PSMB2: variants seen among roughly 807,000 people sequenced by gnomAD.
The protein encoded by PSMB2 is proteasome 20S subunit beta 2.
Under a neutral mutation model 25.7 loss-of-function variants are expected in PSMB2, and 13 were observed. The ratio of observed to expected loss-of-function variants is 0.51; its 90% CI spans 0.33 to 0.80. The LOEUF (loss-of-function observed/expected upper bound fraction) is 0.80, where lower values mean the gene tolerates loss of function less well. PSMB2 is among the 30% of genes least tolerant of loss of function. PSMB2 has a pLI of 0.02. For missense variants in PSMB2, 202 were observed against 259.0 expected (o/e 0.78, Z 1.51); for synonymous variants, 87 against 96.2 (o/e 0.90, Z 0.56).
Position 35,624,500 on chromosome 1 carries a change from C to A in PSMB2, c.285+6774G>T, listed in dbSNP as rs574741327. On this transcript the variant is annotated intron_variant, in intron 3 of 5. Coordinates refer to ENST00000373237, the MANE Select transcript of PSMB2 (RefSeq NM_002794.5). ...GGGTGCAGTGGCTCATGCCTGTAAT[C>A]CCAGTACTTTGGGAGGCTGAGGTGG... is the stretch of plus-strand genomic sequence containing the variant. 3.4e-3 allele frequency among the ~76,000 whole-genome samples: 515 copies of A among 152,250 alleles called. 3 individuals are homozygous for A. Among genetic ancestry groups the A allele is most frequent in the African/African-American group, 0.012 (497 of 41,536 alleles).
At chr1:35,614,513 G>A (rs1650438771) in intron 3 of PSMB2, among the ~76,000 whole-genome samples, 1 of 152,204 alleles carries the variant, frequency 6.6e-6, no homozygotes, top group African/African-American at 2.4e-5. Context: ...GTAAGTCTAA[G>A]TAGTAAGACA....
rs141005236 is a variant in PSMB2 at position 35,602,645 on chromosome 1, G to A, written c.*622C>T. On this transcript the variant is annotated 3_prime_UTR_variant, in exon 6 of 6. Coordinates refer to ENST00000373237, the MANE Select transcript of PSMB2 (RefSeq NM_002794.5). ...CCCCAGTAGCTGGGACTAGGGGTGCGTGCCACCACGCCCAGCTAATTTTTG... is the reference window on the plus strand; with the variant it reads ...CCCCAGTAGCTGGGACTAGGGGTGCATGCCACCACGCCCAGCTAATTTTTG... 0.018 allele frequency: 2,788 copies of A among 153,450 alleles called. 99 individuals are homozygous for A. The highest frequency in any genetic ancestry group is 0.063 in the African/African-American group (2,610 of 41,524). The allele number at this position is 153,450 out of a possible 1,614,324, so 9.5% of individuals were successfully genotyped here.
chr1:35,621,859 G>A lies in PSMB2; in HGVS notation c.285+9415C>T, dbSNP rs146268038. ...AAAAATACAAAAATTAGCTAGGTAT[G>A]GTGGCATGTGCCTGTAGGCCCAGCT... On this transcript the variant is annotated intron_variant, in intron 3 of 5. Transcript: ENST00000373237. 3.7e-4 allele frequency among the ~76,000 whole-genome samples: 56 copies of A among 152,276 alleles called. No homozygotes were observed. In the East Asian group the frequency reaches 0.01, roughly 27 times the overall value.
intron 3 of PSMB2, among the ~76,000 whole-genome samples, chr1:35,628,631 A>ATTTTTTTTTTTTTTTTTT (rs138110586): frequency 2.6e-5 from 1 of 38,086 alleles, no homozygotes; most frequent in African/African-American, 1.3e-4. Context: ...ATATATATAT[A>ATTTTTTTTTTTTTTTTTT]TTTTTTTTTT....
At chr1:35,636,495 G>T in intron 1 of PSMB2, 63 bp from the exon 2 acceptor site, 1 of 1,573,900 alleles carries the variant, frequency 6.4e-7, no homozygotes, top group Admixed American at 1.8e-5. Flanking sequence ...CATTATTTAT[G>T]TAACCATAAA....
chr1:35,641,498 C>T lies in PSMB2; in HGVS notation c.-66G>A, dbSNP rs1467877117. ...AGACTCGCCCGCTTCCAGGTCTCACCGGTGAGACAGCACCTCAGAGCGAAG... is the reference window on the plus strand; with the variant it reads ...AGACTCGCCCGCTTCCAGGTCTCACTGGTGAGACAGCACCTCAGAGCGAAG... On this transcript the variant is annotated 5_prime_UTR_variant, in exon 1 of 6. Coordinates refer to ENST00000373237, the MANE Select transcript of PSMB2 (RefSeq NM_002794.5). 4 of 1,606,768 alleles carry T rather than the reference C, an allele frequency of 2.5e-6. No individual in the cohort carries two copies. Among genetic ancestry groups the T allele is most frequent in the Non-Finnish European group, 2.6e-6 (3 of 1,176,104 alleles).
At chr1:35,617,846 T>C (rs1650551102) in intron 3 of PSMB2, among the ~76,000 whole-genome samples, 1 of 152,196 alleles carries the variant, frequency 6.6e-6, no homozygotes, top group Non-Finnish European at 1.5e-5. Flanking sequence ...CATTAGTATG[T>C]AAACCATACA....
chr1:35,601,868 T>C lies in PSMB2; in HGVS notation c.*1399A>G, dbSNP rs904400701. 3 of 985,340 alleles carry C rather than the reference T, an allele frequency of 3.0e-6. No individual in the cohort carries two copies. In the African/African-American group the frequency reaches 5.2e-5, roughly 17 times the overall value. The allele number at this position is 985,340 out of a possible 1,614,324, so 61.0% of individuals were successfully genotyped here. A position where few individuals can be genotyped will look rare whatever the true frequency, so the allele number is the denominator to read the frequency against. Reference sequence around the variant, plus strand: ...AGCTTTAACCACAAAACATCCACATTGTTCCCTAAAGTTATGCTAAGAGTA... The same window carrying C: ...AGCTTTAACCACAAAACATCCACATCGTTCCCTAAAGTTATGCTAAGAGTA... On this transcript the variant is annotated 3_prime_UTR_variant, in exon 6 of 6. Coordinates refer to ENST00000373237, the MANE Select transcript of PSMB2 (RefSeq NM_002794.5).
intron 3 of PSMB2, among the ~76,000 whole-genome samples, chr1:35,614,516 G>A (rs1048355848): frequency 1.3e-5 from 2 of 152,178 alleles, no homozygotes; most frequent in Non-Finnish European, 2.9e-5. Flanking sequence ...AGTCTAAGTA[G>A]TAAGACAAAG....
chr1:35,600,359 T>C lies in PSMB2; in HGVS notation c.*2908A>G, dbSNP rs1312043900. On this transcript the variant is annotated 3_prime_UTR_variant, in exon 6 of 6. Transcript: ENST00000373237. ...AAAGCCTGGAGCTTAGTAATACTAA[T>C]ACACCAACCAATGTTGGTTTCTCAG... is the stretch of plus-strand genomic sequence containing the variant. The C allele has an allele frequency of 4.8e-6, 4 of 832,810 alleles. No individual in the cohort carries two copies. The highest frequency in any genetic ancestry group is 1.9e-5 in the African/African-American group (1 of 53,984). 51.6% of individuals were successfully genotyped at this position (832,810 alleles called of 1,614,324 possible). A position where few individuals can be genotyped will look rare whatever the true frequency, so the allele number is the denominator to read the frequency against.
In PSMB2 at chr1:35,601,719, T is replaced by A; in HGVS notation, c.*1548A>T. On this transcript the variant is annotated 3_prime_UTR_variant, in exon 6 of 6. Transcript: ENST00000373237. The stretch of plus-strand genomic sequence containing the variant: ...GAGCACAGAATTGGATAAAGTAGGG[T>A]TTATCTTAGTCGGAGACCAAATGGT... 1.0e-6 allele frequency: 1 copy of A among 985,270 alleles called. No homozygotes were observed. Among genetic ancestry groups the A allele is most frequent in the Non-Finnish European group, 1.2e-6 (1 of 829,902 alleles). 61.0% of individuals were successfully genotyped at this position (985,270 alleles called of 1,614,324 possible).
intron 3 of PSMB2, among the ~76,000 whole-genome samples, chr1:35,624,837 T>G (rs1571134774): frequency 6.7e-6 from 1 of 149,668 alleles, no homozygotes; most frequent in Admixed American, 6.6e-5. Flanking sequence ...CCGAGGCGGG[T>G]GGATCACGAG....
At chr1:35,635,828 C>CAAAAAA (rs1163061850) in intron 2 of PSMB2, among the ~76,000 whole-genome samples, 19 of 34,222 alleles carry the variant, frequency 5.6e-4, no homozygotes, top group African/African-American at 7.5e-4. Context: ...GACTCCGTCT[C>CAAAAAA]AAAAAAAAAA....
At chr1:35,618,638 A>C (rs1650576231) in intron 3 of PSMB2, among the ~76,000 whole-genome samples, 1 of 152,204 alleles carries the variant, frequency 6.6e-6, no homozygotes, top group Admixed American at 6.5e-5. Context: ...TCAAGGGGGA[A>C]GACTAGCAAA....
chr1:35,609,461 C>A, intron 3 of PSMB2, 53 bp from the exon 4 acceptor site: 1 of 1,344,622 alleles, frequency 7.4e-7, no homozygotes, highest in South Asian at 1.8e-5. Context: ...ACCAACATCT[C>A]TTCCCATGGC....
chr1:35,610,259 T>C (rs1290138319), intron 3 of PSMB2, among the ~76,000 whole-genome samples: 3 of 151,944 alleles, frequency 2.0e-5, no homozygotes, highest in Non-Finnish European at 2.9e-5. Context: ...GGTAACACAG[T>C]GGGACTTGGT....
rs760578961 is a variant in PSMB2 at position 35,603,218 on chromosome 1, G to C, written c.*49C>G. The stretch of plus-strand genomic sequence containing the variant: ...CTGAAAAGAGTAGAAAAAAATAAAG[G>C]AGCCCATCAAAAAAAAGTTCCCTGG... On this transcript the variant is annotated 3_prime_UTR_variant, in exon 6 of 6. Transcript: ENST00000373237. The C allele has an allele frequency of 6.3e-7, 1 of 1,592,314 alleles. No individual in the cohort carries two copies. The highest frequency in any genetic ancestry group is 8.5e-7 in the Non-Finnish European group (1 of 1,173,576).
chr1:35,607,498 T>C (rs573848782), intron 4 of PSMB2, among the ~76,000 whole-genome samples: 25 of 152,136 alleles, frequency 1.6e-4, no homozygotes, highest in Non-Finnish European at 2.8e-4. Context: ...CAGTTAGGAA[T>C]AGCTATTATC....
chr1:35,639,255 AAAAT>A (rs1651329538), intron 1 of PSMB2, among the ~76,000 whole-genome samples: 1 of 152,170 alleles, frequency 6.6e-6, no homozygotes, highest in Non-Finnish European at 1.5e-5. Flanking sequence ...CTCTGTCTCA[AAAAT>A]AAATAAATAA....
Sources: gnomAD v4.1 joint callset for allele counts (sites outside exome capture counted in the v4.1 genomes callset) on GRCh38, gnomAD v4.1.1 for gene constraint, MANE v1.5 for transcripts, NCBI Gene and HGNC (gene_info 2026-07-23, HGNC 2026-07-21) for gene names.